Variants in PALD1 observed in about 807,000 individuals in gnomAD.
PALD1 encodes the protein paladin.
In PALD1, 57 loss-of-function variants were observed where a neutral mutation model predicts 96.0. That is an observed-to-expected ratio of 0.59 (90% CI 0.48 to 0.74). PALD1 has a LOEUF of 0.74. Ranked by LOEUF, PALD1 falls within the 30% of genes least tolerant of loss-of-function variation. PALD1 has a pLI of 0.00. For synonymous variants in PALD1, 464 were observed against 473.6 expected (o/e 0.98, Z 0.26); for missense variants, 1,063 against 1,143.7 (o/e 0.93, Z 1.02).
rs1431964654 is a variant in PALD1 at position 70,540,612 on chromosome 10, G to C, written c.1909-490G>C. ...CAATGGGGTCTGTTACCCTGCCTGA[G>C]CCCCTCCTGGCGCATCTCTTCGCGG... On this transcript the variant is annotated intron_variant, in intron 15 of 19. Transcript: ENST00000263563. The surrounding 1 kb of genome is among the most constrained non-coding windows in gnomAD (Gnocchi z 4.2). 1.8e-4 allele frequency among the ~76,000 whole-genome samples: 28 copies of C among 152,086 alleles called. 1 individual carries two copies. Among genetic ancestry groups the C allele is most frequent in the Admixed American group, 1.8e-3 (28 of 15,278 alleles).
intron 1 of PALD1, among the ~76,000 whole-genome samples, chr10:70,524,941 C>T (rs943611862): frequency 1.3e-5 from 2 of 152,104 alleles, no homozygotes; most frequent in Non-Finnish European, 2.9e-5. Context: ...CGAGGGTGCC[C>T]GGCGTTCTTC....
chr10:70,517,419 G>T (rs1846642821), intron 1 of PALD1, among the ~76,000 whole-genome samples: 1 of 148,156 alleles, frequency 6.7e-6, no homozygotes, highest in Admixed American at 6.8e-5. Context: ...TCAGCTCACT[G>T]CAGCCTCCGT....
At chr10:70,473,791 G>T (rs890909191), upstream of PALD1, among the ~76,000 whole-genome samples, 1 of 152,166 alleles carries the variant, frequency 6.6e-6, no homozygotes, top group East Asian at 1.9e-4. Flanking sequence ...GATTACAGGC[G>T]CACGCCACTA....
At chr10:70,512,668 C>T (rs74139664) in intron 1 of PALD1, among the ~76,000 whole-genome samples, 2,053 of 152,358 alleles carry the variant, frequency 0.013, 46 homozygotes, top group African/African-American at 0.046. Flanking sequence ...AGTAAGGAAG[C>T]TCTGCAGGTT....
intron 1 of PALD1, among the ~76,000 whole-genome samples, chr10:70,482,012 C>A (rs1845940790): frequency 6.6e-6 from 1 of 152,242 alleles, no homozygotes; most frequent in Non-Finnish European, 1.5e-5. Context: ...TGGCCCAGTG[C>A]ATGGCATGGA....
chr10:70,538,850 A>G (rs991113003), intron 12 of PALD1, 42 bp from the exon 13 acceptor site: 1 of 1,542,270 alleles, frequency 6.5e-7, no homozygotes, highest in African/African-American at 1.4e-5. Context: ...CTGCGGCTAC[A>G]GTCGGCTGCT....
At chr10:70,476,463 C>T (rs1372715210), upstream of PALD1, among the ~76,000 whole-genome samples, 1 of 152,212 alleles carries the variant, frequency 6.6e-6, no homozygotes, top group Non-Finnish European at 1.5e-5. Flanking sequence ...ACAGCCAGGG[C>T]TGCAGGACTC....
chr10:70,517,816 G>A (rs956773958), intron 1 of PALD1, among the ~76,000 whole-genome samples: 1 of 152,080 alleles, frequency 6.6e-6, no homozygotes, highest in Non-Finnish European at 1.5e-5. Flanking sequence ...AAGTGTCTGG[G>A]GCTTGGCTTG....
the PALD1 span, among the ~76,000 whole-genome samples, chr10:70,468,252 GT>G: frequency 6.6e-6 from 1 of 151,774 alleles, no homozygotes; most frequent in African/African-American, 2.4e-5. Context: ...ACCAGGTAAG[GT>G]TTTTTTTGAG....
rs1168579808 is a variant in PALD1, at chr10:70,566,871, T to C, written c.*138T>C. 6 of 607,072 alleles carry C rather than the reference T, an allele frequency of 9.9e-6. No homozygotes were observed. The East Asian group carries it at 1.7e-4, about 17-fold the overall frequency. The allele number at this position is 607,072 out of a possible 1,614,324, so 37.6% of individuals were successfully genotyped here. A position where few individuals can be genotyped will look rare whatever the true frequency, so the allele number is the denominator to read the frequency against. On this transcript the variant is annotated 3_prime_UTR_variant, in exon 20 of 20. Coordinates refer to ENST00000263563, the MANE Select transcript of PALD1 (RefSeq NM_014431.3). ...CACTTCCTGGAGAGACTGAGCGGAGTTGGGAGCCTTTTTAGAAAGAACTTT... is the reference window on the plus strand; with the variant it reads ...CACTTCCTGGAGAGACTGAGCGGAGCTGGGAGCCTTTTTAGAAAGAACTTT...
At chr10:70,505,475 A>G (rs1351846564) in intron 1 of PALD1, among the ~76,000 whole-genome samples, 1 of 152,108 alleles carries the variant, frequency 6.6e-6, no homozygotes, top group Non-Finnish European at 1.5e-5. Flanking sequence ...ATGGTGGTGC[A>G]TGCCTATAAT....
At chr10:70,486,941 C>T (rs1178362593) in intron 1 of PALD1, among the ~76,000 whole-genome samples, 1 of 151,998 alleles carries the variant, frequency 6.6e-6, no homozygotes. Flanking sequence ...CAGCCCAAGG[C>T]CTGGTGGGAA....
intron 1 of PALD1, among the ~76,000 whole-genome samples, chr10:70,506,365 C>A (rs776685638): frequency 2.0e-5 from 3 of 152,132 alleles, no homozygotes; most frequent in Non-Finnish European, 2.9e-5. Flanking sequence ...AAGGCAGTGA[C>A]GTCTTAGTGC....
chr10:70,491,765 C>T (rs1846102628), intron 1 of PALD1, among the ~76,000 whole-genome samples: 1 of 152,204 alleles, frequency 6.6e-6, no homozygotes, highest in Non-Finnish European at 1.5e-5. Context: ...TCCCCTCCCC[C>T]AGCCTTGGCA....
chr10:70,500,345 C>T (rs898947096), intron 1 of PALD1, among the ~76,000 whole-genome samples: 1 of 152,148 alleles, frequency 6.6e-6, no homozygotes, highest in African/African-American at 2.4e-5. Context: ...GTGCTTCTCT[C>T]CCATTGCCAC....
Position 70,566,781 on chromosome 10 carries a change from G to A in PALD1, c.*48G>A. 1 of 1,382,038 alleles carries A rather than the reference G, an allele frequency of 7.2e-7. No individual in the cohort carries two copies. The highest frequency in any genetic ancestry group is 1.3e-5 in the South Asian group (1 of 77,986). The allele number at this position is 1,382,038 out of a possible 1,614,324, so 85.6% of individuals were successfully genotyped here. A position where few individuals can be genotyped will look rare whatever the true frequency, so the allele number is the denominator to read the frequency against. ...CACCCACAGGGCCCCACGCAGGCCT[G>A]GGGTGTCTGAGGTGCTCTTGGCTGG... On this transcript the variant is annotated 3_prime_UTR_variant, in exon 20 of 20. Coordinates refer to ENST00000263563, the MANE Select transcript of PALD1 (RefSeq NM_014431.3).
intron 18 of PALD1, among the ~76,000 whole-genome samples, chr10:70,548,983 AG>A (rs1434434537): frequency 7.1e-6 from 1 of 139,908 alleles, no homozygotes; most frequent in Middle Eastern, 3.6e-3. Flanking sequence ...CTCAGGCAGG[AG>A]GATCACTTGA....
chr10:70,537,655 T>G (rs871870), intron 10 of PALD1, among the ~76,000 whole-genome samples, 156 bp from the exon 11 acceptor site: 38,399 of 152,190 alleles, frequency 0.25, 5,321 homozygotes, highest in African/African-American at 0.36. Context: ...GGTGAGACAC[T>G]TAGAAGAACT....
chr10:70,547,558 C>T (rs1424033277), intron 18 of PALD1, 112 bp downstream of exon 18: 2 of 701,348 alleles, frequency 2.9e-6, no homozygotes, highest in East Asian at 5.7e-5. Context: ...AGGGGCCCCT[C>T]CTTGGCTCGT....
Sources: gnomAD v4.1 joint callset for allele counts (sites outside exome capture counted in the v4.1 genomes callset) on GRCh38, gnomAD v4.1.1 for gene constraint, Gnocchi (gnomAD v3.1) non-coding constraint, MANE v1.5 for transcripts, NCBI Gene and HGNC (gene_info 2026-07-23, HGNC 2026-07-21) for gene names.